Variants in HCRTR2 observed in about 807,000 individuals in gnomAD.
HCRTR2 encodes orexin receptor type 2.
HCRTR2 carries 22 observed loss-of-function variants against 49.0 expected under a neutral mutation model. That is an observed-to-expected ratio of 0.45 (90% CI 0.32 to 0.64). The LOEUF is 0.64. Ranked by LOEUF, HCRTR2 falls within the 30% of genes least tolerant of loss-of-function variation. HCRTR2 has a pLI of 0.04. For missense variants in HCRTR2, 491 were observed against 559.4 expected, an observed-to-expected ratio of 0.88 and a Z score of 1.23; for synonymous variants, 236 against 205.3, an observed-to-expected ratio of 1.15 and a Z score of -1.28.
intron 1 of HCRTR2, among the ~76,000 whole-genome samples, chr6:55,115,992 G>T (rs1376478341): frequency 6.6e-6 from 1 of 151,612 alleles, no homozygotes; most frequent in East Asian, 1.9e-4. Context: ...AGGTATTCAA[G>T]AATTTTTAAA....
chr6:55,187,089 C>T (rs1367582042), intron 1 of HCRTR2, among the ~76,000 whole-genome samples: 1 of 151,422 alleles, frequency 6.6e-6, no homozygotes, highest in African/African-American at 2.4e-5. Flanking sequence ...AAAAAAAAAT[C>T]AAAGTGTAAC....
At chr6:55,258,291 A>G (rs1766690440) in intron 3 of HCRTR2, among the ~76,000 whole-genome samples, 2 of 152,166 alleles carry the variant, frequency 1.3e-5, no homozygotes, top group Admixed American at 1.3e-4. Flanking sequence ...TTATAAAAGT[A>G]GAGAGTAGAA....
At position 55,128,405 on chromosome 6, in the gene HCRTR2, G is replaced by A. The variant is rs114471152; in HGVS notation, c.-378+21860G>A. 7.2e-3 allele frequency among the ~76,000 whole-genome samples: 1,100 copies of A among 152,188 alleles called. 12 individuals carry two copies. The highest frequency in any genetic ancestry group is 0.025 in the African/African-American group (1,038 of 41,526). On this transcript the variant is annotated intron_variant, in intron 1 of 7. Transcript: ENST00000615358. ...GCTTAGGATTGCCTTGGGTATTCAC[G>A]CTCTTTTTTGGTTCCATTTGAATTT...
intron 1 of HCRTR2, among the ~76,000 whole-genome samples, chr6:55,236,764 A>C (rs2127302771): frequency 6.6e-6 from 1 of 152,202 alleles, no homozygotes; most frequent in South Asian, 2.1e-4. Flanking sequence ...TGATAATATA[A>C]GTGGGTGTGA....
In HCRTR2 at chr6:55,209,322, C is replaced by T. The variant is rs149432216; in HGVS notation, c.223+34512C>T. ...ATTAGAAAAAAGTTATAAAATACTTCACTAAGAAAATAAAATGTCAGGAAG... is the reference window on the plus strand; with the variant it reads ...ATTAGAAAAAAGTTATAAAATACTTTACTAAGAAAATAAAATGTCAGGAAG... On this transcript the variant is annotated intron_variant, in intron 1 of 6. Coordinates refer to ENST00000370862, the MANE Select transcript of HCRTR2 (RefSeq NM_001384272.1). Among the ~76,000 whole-genome samples, 938 of 152,266 alleles carry T rather than the reference C, an allele frequency of 6.2e-3. 17 individuals carry two copies. The highest frequency in any genetic ancestry group is 0.021 in the African/African-American group (884 of 41,562).
intron 1 of HCRTR2, among the ~76,000 whole-genome samples, chr6:55,155,259 GA>G (rs370724083): frequency 3.7e-4 from 56 of 151,760 alleles, no homozygotes; most frequent in African/African-American, 1.3e-3. Flanking sequence ...ACAAACCTAT[GA>G]TTTCAATTTG....
intron 1 of HCRTR2, among the ~76,000 whole-genome samples, chr6:55,183,731 A>G (rs946779966): frequency 6.6e-6 from 1 of 152,196 alleles, no homozygotes; most frequent in African/African-American, 2.4e-5. Context: ...GACAATAAAG[A>G]ACATAATCCA....
At chr6:55,272,747 C>T (rs994931445) in intron 4 of HCRTR2, among the ~76,000 whole-genome samples, 2 of 151,156 alleles carry the variant, frequency 1.3e-5, no homozygotes, top group African/African-American at 4.9e-5. Context: ...AGTTTTTTTC[C>T]GTACTTCTAT....
intron 4 of HCRTR2, among the ~76,000 whole-genome samples, chr6:55,273,198 T>C (rs1453036124): frequency 6.6e-6 from 1 of 151,998 alleles, no homozygotes; most frequent in Non-Finnish European, 1.5e-5. Flanking sequence ...GTGGTGGGTG[T>C]AAGGGGCAAG....
At chr6:55,222,622 T>C (rs1765920435) in intron 1 of HCRTR2, among the ~76,000 whole-genome samples, 1 of 152,156 alleles carries the variant, frequency 6.6e-6, no homozygotes, top group Non-Finnish European at 1.5e-5. Context: ...GAAAATCTTA[T>C]AATATGCTGC....
intron 1 of HCRTR2, among the ~76,000 whole-genome samples, chr6:55,195,774 A>G (rs963765733): frequency 1.3e-5 from 2 of 152,054 alleles, no homozygotes; most frequent in African/African-American, 4.8e-5. Flanking sequence ...GAATGAGACC[A>G]TCCTGTGAAT....
chr6:55,124,741 G>T (rs1174056884), intron 1 of HCRTR2, among the ~76,000 whole-genome samples: 1 of 152,138 alleles, frequency 6.6e-6, no homozygotes, highest in Non-Finnish European at 1.5e-5. Flanking sequence ...TTGTGTGGTA[G>T]TCTAAGTTTC....
At position 55,238,525 on chromosome 6, in the gene HCRTR2, C is replaced by G. The variant is rs766199291; in HGVS notation, c.224-10114C>G. Among the ~76,000 whole-genome samples the G allele has an allele frequency of 3.7e-4, 57 of 152,226 alleles. 1 individual carries two copies. The highest frequency in any genetic ancestry group is 3.4e-3 in the Middle Eastern group (1 of 294). On this transcript the variant is annotated intron_variant, in intron 1 of 6. Coordinates refer to ENST00000370862, the MANE Select transcript of HCRTR2 (RefSeq NM_001384272.1). ...TTCCAATTCTCCATAGTCTGTAGGACAATATCCAAATGTTTTAACTGAATA... is the reference window on the plus strand; with the variant it reads ...TTCCAATTCTCCATAGTCTGTAGGAGAATATCCAAATGTTTTAACTGAATA...
intron 4 of HCRTR2, among the ~76,000 whole-genome samples, chr6:55,264,360 A>G (rs937268498): frequency 6.6e-6 from 1 of 152,128 alleles, no homozygotes; most frequent in African/African-American, 2.4e-5. Flanking sequence ...ATTTGGGGTT[A>G]CTACACTTTG....
At chr6:55,162,239 CAT>C (rs1764817041) in intron 1 of HCRTR2, among the ~76,000 whole-genome samples, 1 of 152,178 alleles carries the variant, frequency 6.6e-6, no homozygotes, top group Admixed American at 6.5e-5. Flanking sequence ...ACAAAAACCA[CAT>C]GATTATCTCA....
intron 4 of HCRTR2, among the ~76,000 whole-genome samples, chr6:55,264,707 G>C (rs1413788216): frequency 6.6e-6 from 1 of 152,070 alleles, no homozygotes. Context: ...ATATGGCTCA[G>C]TCTCTCCCAT....
chr6:55,139,005 C>A (rs13200998), intron 1 of HCRTR2, among the ~76,000 whole-genome samples: 4,778 of 152,166 alleles, frequency 0.031, 205 homozygotes, highest in African/African-American at 0.089. Context: ...AATCACTCAG[C>A]CAAACAAAAT....
At chr6:55,166,725 A>G (rs1474735254) in intron 1 of HCRTR2, among the ~76,000 whole-genome samples, 1 of 152,180 alleles carries the variant, frequency 6.6e-6, no homozygotes, top group Non-Finnish European at 1.5e-5. Flanking sequence ...CATTGAAAAC[A>G]TAAGTACACA....
At chr6:55,117,660 T>C (rs1433234095) in intron 1 of HCRTR2, among the ~76,000 whole-genome samples, 2 of 151,454 alleles carry the variant, frequency 1.3e-5, no homozygotes, top group Non-Finnish European at 3.0e-5. Context: ...ATTGCACCTG[T>C]TGTAATTATT....
Sources: gnomAD v4.1 joint callset for allele counts (sites outside exome capture counted in the v4.1 genomes callset) on GRCh38, gnomAD v4.1.1 for gene constraint, MANE v1.5 for transcripts, NCBI Gene and HGNC (gene_info 2026-07-23, HGNC 2026-07-21) for gene names.